ACVR1C: variants seen among roughly 807,000 people sequenced by gnomAD.
ACVR1C encodes activin receptor type-1C.
Under a neutral mutation model 57.9 loss-of-function variants are expected in ACVR1C, and 23 were observed. The ratio of observed to expected loss-of-function variants is 0.40; its 90% confidence interval spans 0.29 to 0.56. The LOEUF (loss-of-function observed/expected upper bound fraction) is 0.56. Among genes scored for constraint, ACVR1C ranks in the 20% least tolerant of loss-of-function variants. ACVR1C has a pLI of 0.50. For missense variants in ACVR1C, 480 were observed against 607.9 expected, an observed-to-expected ratio of 0.79 and a Z score of 2.21; for synonymous variants, 214 against 215.3, an observed-to-expected ratio of 0.99 and a Z score of 0.05.
chr2:157,529,185 A>G lies in ACVR1C; in HGVS notation c.*4733T>C, dbSNP rs1687302962. 1 of 152,148 alleles carries G rather than the reference A, an allele frequency of 6.6e-6. No individual in the cohort carries two copies. The highest frequency in any genetic ancestry group is 2.1e-4 in the South Asian group (1 of 4,830). The allele number at this position is 152,148 out of a possible 1,614,324, so 9.4% of individuals were successfully genotyped here. ...TACAAAGAGAAAGAACAGTCCTTAC[A>G]GAAAGGGTGGGGGATGTCAGGAAGC... On this transcript the variant is annotated 3_prime_UTR_variant, in exon 9 of 9. Transcript: ENST00000243349.
At chr2:157,617,670 A>C (rs1682683660) in intron 1 of ACVR1C, among the ~76,000 whole-genome samples, 1 of 152,032 alleles carries the variant, frequency 6.6e-6, no homozygotes, top group Admixed American at 6.6e-5. Context: ...ACTCTGTGTA[A>C]TAATATGCAT....
chr2:157,614,920 C>T (rs1416273833), intron 1 of ACVR1C, among the ~76,000 whole-genome samples: 1 of 152,104 alleles, frequency 6.6e-6, no homozygotes, highest in Non-Finnish European at 1.5e-5. Flanking sequence ...TTTCTTATGA[C>T]AGCATATAGA....
intron 2 of ACVR1C, among the ~76,000 whole-genome samples, chr2:157,581,313 C>A (rs187379445): frequency 1.3e-5 from 2 of 151,820 alleles, no homozygotes; most frequent in African/African-American, 2.4e-5. Context: ...ATATTGAAAT[C>A]ATCAAAGATT....
At chr2:157,566,515 G>A (rs999041767) in intron 2 of ACVR1C, among the ~76,000 whole-genome samples, 11 of 152,204 alleles carry the variant, frequency 7.2e-5, no homozygotes, top group Non-Finnish European at 1.2e-4. Context: ...CACCGTGCGC[G>A]AGCCGAAGCA....
At chr2:157,566,133 T>G (rs1353945474) in intron 2 of ACVR1C, among the ~76,000 whole-genome samples, 2 of 152,216 alleles carry the variant, frequency 1.3e-5, no homozygotes, top group Non-Finnish European at 2.9e-5. Context: ...TGTAAATAAC[T>G]TAGATAGTAA....
intron 1 of ACVR1C, among the ~76,000 whole-genome samples, chr2:157,600,338 T>C (rs1573947732): frequency 6.6e-6 from 1 of 152,256 alleles, no homozygotes; most frequent in East Asian, 1.9e-4. Context: ...ATTTGGGAAA[T>C]ATGCCATGAA....
At chr2:157,536,551 T>C (rs1687491970) in intron 8 of ACVR1C, among the ~76,000 whole-genome samples, 1 of 152,150 alleles carries the variant, frequency 6.6e-6, no homozygotes, top group Admixed American at 6.5e-5. Flanking sequence ...ATTTCTATGG[T>C]TAGACAAACC....
chr2:157,579,384 CTCAA>C (rs1420476797), intron 2 of ACVR1C, among the ~76,000 whole-genome samples: 1 of 152,104 alleles, frequency 6.6e-6, no homozygotes, highest in Non-Finnish European at 1.5e-5. Context: ...TATTTCTCTC[CTCAA>C]TCATTCTTAT....
intron 1 of ACVR1C, among the ~76,000 whole-genome samples, chr2:157,588,648 A>G (rs1688984406): frequency 7.7e-6 from 1 of 129,746 alleles, no homozygotes; most frequent in Non-Finnish European, 1.5e-5. Context: ...ATGCCTTTGC[A>G]TACTCATAGC....
At position 157,541,218 on chromosome 2, in the gene ACVR1C, C is replaced by T; in HGVS notation, c.1101-4G>A. 1 of 1,608,852 alleles carries T rather than the reference C, an allele frequency of 6.2e-7. No homozygotes were observed. ...AAGCATTTCAGGAGCCATATACCTTCAAAAACATGTACATTTCAGATTCTG... is the reference window on the plus strand; with the variant it reads ...AAGCATTTCAGGAGCCATATACCTTTAAAAACATGTACATTTCAGATTCTG... On this transcript the variant is annotated splice_polypyrimidine_tract_variant and splice_region_variant and intron_variant, in intron 6 of 8. Transcript: ENST00000243349.
chr2:157,597,355 C>G (rs1682153662), intron 1 of ACVR1C: 1 of 985,634 alleles, frequency 1.0e-6, no homozygotes, highest in South Asian at 4.7e-5. Context: ...GGGAGCTCCC[C>G]TTGCCTGGAC....
chr2:157,555,737 T>C (rs572103333), intron 3 of ACVR1C, among the ~76,000 whole-genome samples: 1 of 152,294 alleles, frequency 6.6e-6, no homozygotes, highest in East Asian at 1.9e-4. Flanking sequence ...CTAACTCTTT[T>C]GTGTCCATAA....
intron 4 of ACVR1C, among the ~76,000 whole-genome samples, chr2:157,549,829 CAAAAAAAAAA>C (rs1173469291): frequency 6.3e-5 from 3 of 47,544 alleles, no homozygotes; most frequent in Non-Finnish European, 1.4e-4. Flanking sequence ...ACTAAAAATA[CAAAAAAAAAA>C]AAAAAAAAAA....
In ACVR1C at chr2:157,531,456, T is replaced by C. The variant is rs1051093929; in HGVS notation, c.*2462A>G. On this transcript the variant is annotated 3_prime_UTR_variant, in exon 9 of 9. Transcript: ENST00000243349. The stretch of plus-strand genomic sequence containing the variant: ...GTTGAACCAATAAAATATGAAATTA[T>C]ATTTAGACACCCTCAAATAAGCTAC... 6.6e-6 allele frequency: 1 copy of C among 152,010 alleles called. No homozygotes were observed. The highest frequency in any genetic ancestry group is 1.5e-5 in the Non-Finnish European group (1 of 67,938). The allele number at this position is 152,010 out of a possible 1,614,324, so 9.4% of individuals were successfully genotyped here.
In ACVR1C at chr2:157,530,291, T is replaced by C. The variant is rs1362427734; in HGVS notation, c.*3627A>G. The stretch of plus-strand genomic sequence containing the variant: ...TTAGCCAAATACATTCTCATACTTA[T>C]TTCAATCAAAGACTATGCCCTAACA... On this transcript the variant is annotated 3_prime_UTR_variant, in exon 9 of 9. Coordinates refer to ENST00000243349, the MANE Select transcript of ACVR1C (RefSeq NM_145259.3). 6.6e-6 allele frequency: 1 copy of C among 152,152 alleles called. No homozygotes were observed. Among genetic ancestry groups the C allele is most frequent in the African/African-American group, 2.4e-5 (1 of 41,474 alleles). The allele number at this position is 152,152 out of a possible 1,614,324, so 9.4% of individuals were successfully genotyped here.
At chr2:157,579,056 T>C (rs1688725313) in intron 2 of ACVR1C, among the ~76,000 whole-genome samples, 1 of 152,240 alleles carries the variant, frequency 6.6e-6, no homozygotes, top group Non-Finnish European at 1.5e-5. Context: ...GGACTTCCCT[T>C]TGTCTTTGGT....
intron 2 of ACVR1C, among the ~76,000 whole-genome samples, chr2:157,580,131 A>G (rs1159378570): frequency 1.3e-5 from 2 of 151,928 alleles, no homozygotes; most frequent in East Asian, 1.9e-4. Flanking sequence ...TTTATCTTTC[A>G]AATAGTTATC....
intron 1 of ACVR1C, among the ~76,000 whole-genome samples, chr2:157,598,173 A>C (rs1682184240): frequency 6.6e-6 from 1 of 151,142 alleles, no homozygotes; most frequent in Admixed American, 6.6e-5. Context: ...GTTACACCAA[A>C]TTTTTGTGTT....
rs985984617 is a variant in ACVR1C, at chr2:157,529,684, A to G, written c.*4234T>C. On this transcript the variant is annotated 3_prime_UTR_variant, in exon 9 of 9. Transcript: ENST00000243349. ...CTTTCATTAGAAGGCTAAATTCCAG[A>G]CGGTTAAGTTAAATAAGAGTTATTT... 2.6e-5 allele frequency: 4 copies of G among 152,070 alleles called. No individual in the cohort carries two copies. The highest frequency in any genetic ancestry group is 4.4e-5 in the Non-Finnish European group (3 of 67,966). 9.4% of individuals were successfully genotyped at this position (152,070 alleles called of 1,614,324 possible).
Sources: allele counts gnomAD v4.1 joint callset (sites outside exome capture counted in the v4.1 genomes callset), GRCh38; gene constraint gnomAD v4.1.1; transcripts MANE v1.5; gene names NCBI Gene and HGNC (gene_info 2026-07-23, HGNC 2026-07-21).